BICC1: variants seen among roughly 807,000 people sequenced by gnomAD.
BICC1 encodes BicC family RNA binding protein 1.
Under a neutral mutation model 111.0 loss-of-function variants are expected in BICC1, and 43 were observed. The observed-to-expected ratio is 0.39, with a 90% CI of 0.30 to 0.50. The LOEUF (loss-of-function observed/expected upper bound fraction) is 0.50. Ranked by LOEUF, BICC1 falls within the 20% of genes least tolerant of loss-of-function variation. The pLI, the probability that BICC1 is intolerant of heterozygous loss-of-function variation, is 0.88. For synonymous variants in BICC1, 467 were observed against 434.4 expected (o/e 1.07, Z -0.93); for missense variants, 1,091 against 1,203.2 (o/e 0.91, Z 1.38).
intron 19 of BICC1, among the ~76,000 whole-genome samples, chr10:58,818,561 C>T (rs1844166545): frequency 6.6e-6 from 1 of 152,092 alleles, no homozygotes; most frequent in African/African-American, 2.4e-5. Context: ...TTTTACTAGG[C>T]ACTTTGTATC....
chr10:58,789,995 T>C, intron 8 of BICC1, 62 bp downstream of exon 8: 3 of 1,545,974 alleles, frequency 1.9e-6, no homozygotes, highest in Non-Finnish European at 2.7e-6. Flanking sequence ...GTGCATGTTT[T>C]TCCATCCACT....
At chr10:58,757,999 C>T (rs1842192698) in intron 3 of BICC1, among the ~76,000 whole-genome samples, 1 of 152,142 alleles carries the variant, frequency 6.6e-6, no homozygotes, top group African/African-American at 2.4e-5. Context: ...GCTTGGTTTC[C>T]TAAGCCATTC....
chr10:58,708,788 G>GTCCT (rs1167595704), intron 3 of BICC1, among the ~76,000 whole-genome samples: 8 of 152,154 alleles, frequency 5.3e-5, no homozygotes, highest in African/African-American at 1.7e-4. Context: ...GACCTACCTA[G>GTCCT]CCCCCAGGTG....
rs780898793 is a variant in BICC1 at position 58,599,054 on chromosome 10, C to T, written c.191-21801C>T. Among the ~76,000 whole-genome samples the T allele has an allele frequency of 6.6e-5, 10 of 151,996 alleles. 1 individual carries two copies. Among genetic ancestry groups the T allele is most frequent in the African/African-American group, 9.7e-5 (4 of 41,408 alleles). ...ATAACCCTTTTACACTGTTGGTGGA[C>T]GTGTAAATTAGTTCAACCATTGTGG... On this transcript the variant is annotated intron_variant, in intron 1 of 20. Coordinates refer to ENST00000373886, the MANE Select transcript of BICC1 (RefSeq NM_001080512.3).
chr10:58,821,471 T>C (rs1159241825), intron 20 of BICC1, among the ~76,000 whole-genome samples: 1 of 152,160 alleles, frequency 6.6e-6, no homozygotes, highest in Admixed American at 6.6e-5. Flanking sequence ...TTTTCCATTT[T>C]ATTTTAGCGG....
chr10:58,570,706 C>T (rs1843921733), intron 1 of BICC1, among the ~76,000 whole-genome samples: 1 of 152,114 alleles, frequency 6.6e-6, no homozygotes, highest in Admixed American at 6.6e-5. Flanking sequence ...TGCACAAATA[C>T]AGTTTGGAAA....
chr10:58,773,468 T>C (rs139333843), intron 3 of BICC1, among the ~76,000 whole-genome samples: 20 of 152,282 alleles, frequency 1.3e-4, no homozygotes, highest in African/African-American at 4.6e-4. Context: ...TGGATATTAA[T>C]AGATGATGAG....
intron 4 of BICC1, among the ~76,000 whole-genome samples, 183 bp from the exon 5 acceptor site, chr10:58,786,740 C>CT (rs1013319899): frequency 6.6e-6 from 1 of 151,960 alleles, no homozygotes; most frequent in Non-Finnish European, 1.5e-5. Flanking sequence ...ATGAGAATTT[C>CT]TTTTTTTATA....
intron 3 of BICC1, among the ~76,000 whole-genome samples, chr10:58,775,242 C>T (rs1360718383): frequency 2.0e-5 from 3 of 151,882 alleles, no homozygotes; most frequent in East Asian, 1.9e-4. Flanking sequence ...GGCATGGTGG[C>T]GTGCACCTGT....
chr10:58,714,239 A>G (rs570087337), intron 3 of BICC1, among the ~76,000 whole-genome samples: 1 of 152,210 alleles, frequency 6.6e-6, no homozygotes, highest in African/African-American at 2.4e-5. Flanking sequence ...AGAACATTTC[A>G]TGCAGCCTGG....
chr10:58,704,227 T>C (rs1305246283), intron 3 of BICC1, among the ~76,000 whole-genome samples: 2 of 152,228 alleles, frequency 1.3e-5, no homozygotes, highest in African/African-American at 4.8e-5. Context: ...AATTGATCCC[T>C]TCAGGCCTGG....
In BICC1 at chr10:58,789,682, G is replaced by C. The variant is rs1289484309; in HGVS notation, c.796G>C (p.Glu266Gln). Residue 266 changes from glutamate (E) to glutamine (Q), a missense_variant and splice_region_variant, in exon 8 of 21, where the codon GAA becomes CAA. Coordinates refer to ENST00000373886, the MANE Select transcript of BICC1 (RefSeq NM_001080512.3). Reference protein sequence around the residue: ...GSQNNTSAVKEGTAMLLEHLA... With the variant: ...GSQNNTSAVKQGTAMLLEHLA... Reference sequence around the variant, plus strand: ...TTTCTTTCCCACCCTTTTCTCTTAGGAAGGAACTGCCATGCTGTTAGAACA... The same window carrying C: ...TTTCTTTCCCACCCTTTTCTCTTAGCAAGGAACTGCCATGCTGTTAGAACA... 1 of 1,613,964 alleles carries C rather than the reference G, an allele frequency of 6.2e-7. No homozygotes were observed. Among genetic ancestry groups the C allele is most frequent in the Middle Eastern group, 1.7e-4 (1 of 6,060 alleles).
intron 1 of BICC1, among the ~76,000 whole-genome samples, chr10:58,540,739 C>T (rs1024711529): frequency 6.6e-6 from 1 of 151,976 alleles, no homozygotes; most frequent in Non-Finnish European, 1.5e-5. Flanking sequence ...GAGGAGGAAA[C>T]GCTTGCAAAC....
At chr10:58,754,135 T>G (rs1177387338) in intron 3 of BICC1, among the ~76,000 whole-genome samples, 3 of 152,180 alleles carry the variant, frequency 2.0e-5, no homozygotes, top group African/African-American at 4.8e-5. Flanking sequence ...TTGGGTTTGT[T>G]TTGTTTTGCT....
intron 1 of BICC1, among the ~76,000 whole-genome samples, chr10:58,530,656 A>C (rs560350237): frequency 6.8e-6 from 1 of 147,700 alleles, no homozygotes; most frequent in Non-Finnish European, 1.5e-5. Context: ...TTGTGTGTCC[A>C]GTACAATGTC....
rs1270390935 is a variant in BICC1, at chr10:58,639,527, A to G, written c.237+18626A>G. On this transcript the variant is annotated intron_variant, in intron 2 of 20. Coordinates refer to ENST00000373886, the MANE Select transcript of BICC1 (RefSeq NM_001080512.3). The stretch of plus-strand genomic sequence containing the variant: ...CTCCTGCCTCAGCCTCCCAAGTAGT[A>G]GCTGGGATTACAGGCGCCTGCCACC... 4.1e-5 allele frequency among the ~76,000 whole-genome samples: 6 copies of G among 147,158 alleles called. No individual in the cohort carries two copies. In the South Asian group the frequency reaches 8.7e-4, roughly 21 times the overall value.
rs573585555 is a variant in BICC1, at chr10:58,727,289, T to A, written c.307+25146T>A. 9.9e-5 allele frequency among the ~76,000 whole-genome samples: 15 copies of A among 152,208 alleles called. No individual in the cohort carries two copies. In the East Asian group the frequency reaches 2.9e-3, roughly 29 times the overall value. On this transcript the variant is annotated intron_variant, in intron 3 of 20. Coordinates refer to ENST00000373886, the MANE Select transcript of BICC1 (RefSeq NM_001080512.3). ...AAAGTCTGTAACCAGATTGTTAAGT[T>A]AAAAAATGGTTTTCAGGCTGCGCAC...
intron 2 of BICC1, among the ~76,000 whole-genome samples, chr10:58,638,481 T>C (rs1838017058): frequency 6.6e-6 from 1 of 152,222 alleles, no homozygotes; most frequent in Non-Finnish European, 1.5e-5. Context: ...GCTTTCTCCC[T>C]GTCTCAGGCT....
At chr10:58,695,927 T>A (rs1840053280) in intron 2 of BICC1, among the ~76,000 whole-genome samples, 1 of 152,232 alleles carries the variant, frequency 6.6e-6, no homozygotes, top group Non-Finnish European at 1.5e-5. Context: ...TTTACTTGTT[T>A]ATTTTATTCT....
Sources: gnomAD v4.1 joint callset for allele counts (sites outside exome capture counted in the v4.1 genomes callset) on GRCh38, gnomAD v4.1.1 for gene constraint, MANE v1.5 for transcripts, NCBI Gene and HGNC (gene_info 2026-07-23, HGNC 2026-07-21) for gene names.